Variants in STXBP5L observed in about 807,000 individuals in gnomAD.
The protein encoded by STXBP5L is syntaxin binding protein 5L.
In STXBP5L, 65 loss-of-function variants were observed where a neutral mutation model predicts 144.5. The ratio of observed to expected loss-of-function variants is 0.45; its 90% CI spans 0.37 to 0.55. The LOEUF (loss-of-function observed/expected upper bound fraction) is 0.55, where lower values mean the gene tolerates loss of function less well. Ranked by LOEUF, STXBP5L falls within the 20% of genes least tolerant of loss-of-function variation. The probability of loss-of-function intolerance (pLI) is 0.00; values close to 1 mark genes in which losing one functional copy is unlikely to be tolerated. For missense variants in STXBP5L, 1,298 were observed against 1,405.5 expected, an observed-to-expected ratio of 0.92 and a Z score of 1.22; for synonymous variants, 505 against 469.6, an observed-to-expected ratio of 1.08 and a Z score of -0.97.
chr3:121,012,170 T>C (rs1461889346), intron 3 of STXBP5L, among the ~76,000 whole-genome samples: 2 of 151,946 alleles, frequency 1.3e-5, no homozygotes, highest in African/African-American at 2.4e-5. Context: ...TAAAATTCTA[T>C]TTTATGGATA....
At position 120,992,416 on chromosome 3, in the gene STXBP5L, A is replaced by T. The variant is rs527563836; in HGVS notation, c.287+37379A>T. Among the ~76,000 whole-genome samples the T allele has an allele frequency of 3.3e-5, 5 of 152,068 alleles. No homozygotes were observed. In the East Asian group the frequency reaches 9.6e-4, roughly 29 times the overall value. ...CCTCATTCCTTCTATCTAGTTGTAT[A>T]TTTGTACCCATTAACTAACCTCTCT... On this transcript the variant is annotated intron_variant, in intron 3 of 26. Coordinates refer to ENST00000471454, the MANE Select transcript of STXBP5L (RefSeq NM_001308330.2).
chr3:121,320,616 T>C (rs556094551), intron 20 of STXBP5L, among the ~76,000 whole-genome samples: 1 of 152,076 alleles, frequency 6.6e-6, no homozygotes, highest in Non-Finnish European at 1.5e-5. Context: ...AGATATGCTG[T>C]TTTTAGCCCT....
intron 3 of STXBP5L, among the ~76,000 whole-genome samples, chr3:120,987,242 G>A (rs1213984273): frequency 6.6e-6 from 1 of 151,910 alleles, no homozygotes; most frequent in Non-Finnish European, 1.5e-5. Context: ...CCCACCAGCA[G>A]TGTATGAATG....
intron 9 of STXBP5L, among the ~76,000 whole-genome samples, chr3:121,203,871 C>A (rs2048233413): frequency 6.6e-6 from 1 of 152,076 alleles, no homozygotes; most frequent in African/African-American, 2.4e-5. Flanking sequence ...GGCTGTGTCA[C>A]TTTTTTATTT....
chr3:121,312,612 C>A (rs1306433398), intron 19 of STXBP5L, among the ~76,000 whole-genome samples: 5 of 150,832 alleles, frequency 3.3e-5, no homozygotes, highest in Admixed American at 6.6e-5. Flanking sequence ...TGCGGCCTTC[C>A]GCAGTGTTTG....
intron 5 of STXBP5L, 129 bp from the exon 6 acceptor site, chr3:121,114,796 A>G (rs1396180422): frequency 2.0e-6 from 1 of 509,818 alleles, no homozygotes; most frequent in Non-Finnish European, 3.3e-6. Flanking sequence ...GAATAACTAC[A>G]TGCTATACTT....
intron 5 of STXBP5L, among the ~76,000 whole-genome samples, chr3:121,061,910 G>T (rs112485589): frequency 1.4e-5 from 2 of 146,830 alleles, no homozygotes; most frequent in Non-Finnish European, 3.0e-5. Context: ...GATGTGTCTT[G>T]ACTATCCAGT....
chr3:121,243,376 T>G (rs2049732349), intron 14 of STXBP5L, among the ~76,000 whole-genome samples: 1 of 152,144 alleles, frequency 6.6e-6, no homozygotes, highest in African/African-American at 2.4e-5. Context: ...AGAAGACAAA[T>G]TCCCATAAAA....
At chr3:120,981,573 C>T (rs974460252) in intron 3 of STXBP5L, among the ~76,000 whole-genome samples, 1 of 152,048 alleles carries the variant, frequency 6.6e-6, no homozygotes, top group African/African-American at 2.4e-5. Flanking sequence ...GTTTTCGATT[C>T]ATATTCTGAA....
At chr3:121,369,083 C>T (rs1417408471) in intron 20 of STXBP5L, among the ~76,000 whole-genome samples, 2 of 152,200 alleles carry the variant, frequency 1.3e-5, no homozygotes, top group African/African-American at 4.8e-5. Flanking sequence ...CTCCTGAAAG[C>T]TGTATGCAAA....
At chr3:121,234,898 C>T (rs1410886636) in intron 12 of STXBP5L, among the ~76,000 whole-genome samples, 1 of 151,922 alleles carries the variant, frequency 6.6e-6, no homozygotes, top group East Asian at 1.9e-4. Flanking sequence ...CGTCTTTCTA[C>T]GTCATATTTG....
chr3:121,396,532 C>T (rs1313559081), intron 22 of STXBP5L, among the ~76,000 whole-genome samples: 1 of 152,170 alleles, frequency 6.6e-6, no homozygotes, highest in Non-Finnish European at 1.5e-5. Context: ...TGCTAGTCTC[C>T]CAAATGAGAG....
At chr3:121,419,026 C>T (rs765124847) in intron 26 of STXBP5L, 30 bp from the exon 27 acceptor site, 9 of 1,602,610 alleles carry the variant, frequency 5.6e-6, no homozygotes, top group African/African-American at 1.3e-5. Context: ...AGTATTTTAG[C>T]GTCTTATGGT....
chr3:120,908,321 G>A lies in STXBP5L; in HGVS notation c.-22G>A, dbSNP rs1247408530. ...CTTCCCGGGCTGGCAGGCGGCTAGA[G>A]GCGTCTGAGGAAGGTGCCTAAGTCC... On this transcript the variant is annotated 5_prime_UTR_variant, in exon 1 of 27. Transcript: ENST00000471454. The A allele has an allele frequency of 6.6e-6, 1 of 152,402 alleles. No individual in the cohort carries two copies. The highest frequency in any genetic ancestry group is 1.5e-5 in the Non-Finnish European group (1 of 68,106). The allele number at this position is 152,402 out of a possible 1,614,324, so 9.4% of individuals were successfully genotyped here.
At chr3:120,996,394 C>T (rs771239566) in intron 3 of STXBP5L, among the ~76,000 whole-genome samples, 13 of 151,854 alleles carry the variant, frequency 8.6e-5, no homozygotes, top group Non-Finnish European at 1.5e-4. Context: ...ATTTTTTGAA[C>T]TGATTACTAT....
At chr3:121,090,927 C>T (rs987006490) in intron 5 of STXBP5L, among the ~76,000 whole-genome samples, 2 of 113,342 alleles carry the variant, frequency 1.8e-5, no homozygotes, top group African/African-American at 7.0e-5. Context: ...ATCCCTCCCC[C>T]CTCCCCCCAC....
chr3:121,198,193 C>T (rs533132448), intron 9 of STXBP5L, among the ~76,000 whole-genome samples: 7 of 152,100 alleles, frequency 4.6e-5, no homozygotes, highest in Non-Finnish European at 7.4e-5. Context: ...TTCTAACTGG[C>T]GTGAGATGGT....
At chr3:121,050,422 C>T (rs2107586307) in intron 5 of STXBP5L, among the ~76,000 whole-genome samples, 1 of 152,096 alleles carries the variant, frequency 6.6e-6, no homozygotes, top group South Asian at 2.1e-4. Context: ...AGAGTGGGGG[C>T]CAATATTCAA....
chr3:121,342,278 G>C (rs1205812723), intron 20 of STXBP5L, among the ~76,000 whole-genome samples: 1 of 151,996 alleles, frequency 6.6e-6, no homozygotes, highest in Non-Finnish European at 1.5e-5. Context: ...TAAATTAATA[G>C]AATTCAAGCC....
Sources: gnomAD v4.1 joint callset for allele counts (sites outside exome capture counted in the v4.1 genomes callset) on GRCh38, gnomAD v4.1.1 for gene constraint, MANE v1.5 for transcripts, NCBI Gene and HGNC (gene_info 2026-07-23, HGNC 2026-07-21) for gene names.